Variants in CREB5 observed in about 807,000 individuals in gnomAD.
CREB5 encodes the protein cyclic AMP-responsive element-binding protein 5.
Under a neutral mutation model 57.1 loss-of-function variants are expected in CREB5, and 19 were observed. The observed-to-expected ratio is 0.33, with a 90% CI of 0.23 to 0.49. The LOEUF is 0.49. Among genes scored for constraint, CREB5 ranks in the 20% least tolerant of loss-of-function variants. The probability of loss-of-function intolerance (pLI) is 0.99; values close to 1 mark genes in which losing one functional copy is unlikely to be tolerated. For missense variants in CREB5, 579 were observed against 671.6 expected, an observed-to-expected ratio of 0.86 and a Z score of 1.52; for synonymous variants, 238 against 238.3, an observed-to-expected ratio of 1.00 and a Z score of 0.01.
intron 1 of CREB5, among the ~76,000 whole-genome samples, chr7:28,456,926 T>C (rs1790117314): frequency 6.6e-6 from 1 of 152,216 alleles, no homozygotes; most frequent in Admixed American, 6.5e-5. Context: ...AGATGGGTAA[T>C]TTATAAAGAA....
At chr7:28,568,236 C>A (rs1006514958) in intron 4 of CREB5, among the ~76,000 whole-genome samples, 2 of 152,158 alleles carry the variant, frequency 1.3e-5, no homozygotes, top group Non-Finnish European at 2.9e-5. Flanking sequence ...TTATATTTTT[C>A]TTTGCGAATT....
intron 7 of CREB5, among the ~76,000 whole-genome samples, chr7:28,758,968 A>G (rs901118695): frequency 6.6e-6 from 1 of 152,184 alleles, no homozygotes; most frequent in Admixed American, 6.5e-5. Context: ...CAGGAGGCCA[A>G]TGGAAGAGCA....
At chr7:28,510,158 C>T (rs1792645597) in intron 4 of CREB5, among the ~76,000 whole-genome samples, 2 of 152,198 alleles carry the variant, frequency 1.3e-5, no homozygotes, top group South Asian at 4.1e-4. Flanking sequence ...TTTTACCTAC[C>T]CCTTTGACCA....
At chr7:28,375,627 G>A (rs1404871237) in intron 1 of CREB5, among the ~76,000 whole-genome samples, 1 of 151,834 alleles carries the variant, frequency 6.6e-6, no homozygotes, top group Admixed American at 6.6e-5. Flanking sequence ...TTTCTTCAGG[G>A]CATCATGAAA....
intron 1 of CREB5, among the ~76,000 whole-genome samples, chr7:28,432,673 A>C (rs930140056): frequency 3.3e-5 from 5 of 152,232 alleles, no homozygotes; most frequent in African/African-American, 4.8e-5. Context: ...GAAAGGAATA[A>C]AGGAATTTTA....
intron 1 of CREB5, among the ~76,000 whole-genome samples, chr7:28,348,615 T>C (rs1370258557): frequency 1.3e-5 from 2 of 152,198 alleles, no homozygotes; most frequent in African/African-American, 4.8e-5. Flanking sequence ...ATGCTCATCT[T>C]ATGCCCAATC....
At chr7:28,346,528 A>T (rs1287881200) in intron 1 of CREB5, among the ~76,000 whole-genome samples, 1 of 152,230 alleles carries the variant, frequency 6.6e-6, no homozygotes, top group Non-Finnish European at 1.5e-5. Context: ...GAGGAACACA[A>T]ACATTCAGGC....
chr7:28,419,078 T>C (rs1014569640), intron 1 of CREB5, among the ~76,000 whole-genome samples: 1 of 152,240 alleles, frequency 6.6e-6, no homozygotes, highest in Non-Finnish European at 1.5e-5. Flanking sequence ...GAATCTGTTT[T>C]AAAAGTTGCA....
chr7:28,622,775 C>A (rs529552967), intron 5 of CREB5, among the ~76,000 whole-genome samples: 10 of 151,728 alleles, frequency 6.6e-5, no homozygotes, highest in African/African-American at 2.4e-4. Context: ...AATCCTAGAA[C>A]TTTGGGAGGC....
chr7:28,744,049 G>A (rs1263416111), intron 7 of CREB5, among the ~76,000 whole-genome samples: 1 of 101,940 alleles, frequency 9.8e-6, no homozygotes, highest in Non-Finnish European at 1.8e-5. Context: ...CCCTTCCTGT[G>A]TCCATGTGAT....
intron 7 of CREB5, among the ~76,000 whole-genome samples, chr7:28,740,457 C>T (rs534310777): frequency 3.9e-5 from 6 of 152,130 alleles, no homozygotes; most frequent in African/African-American, 1.2e-4. Context: ...TCTAGGGGTA[C>T]GATGTTCTCT....
chr7:28,680,403 T>G (rs1382566212), intron 5 of CREB5, among the ~76,000 whole-genome samples: 1 of 152,076 alleles, frequency 6.6e-6, no homozygotes, highest in Non-Finnish European at 1.5e-5. Flanking sequence ...CATGAATCAG[T>G]GTAGTTAGTC....
rs147045946 is a variant in CREB5 at position 28,537,051 on chromosome 7, A to G, written c.291+29314A>G. On this transcript the variant is annotated intron_variant, in intron 4 of 10. Coordinates refer to ENST00000357727, the MANE Select transcript of CREB5 (RefSeq NM_182898.4). The stretch of plus-strand genomic sequence containing the variant: ...AGCTTAATGCTTACAGTCCTATTTA[A>G]TTCTCACAGTCATCTTCAAGATGGG... Among the ~76,000 whole-genome samples, 39 of 152,366 alleles carry G rather than the reference A, an allele frequency of 2.6e-4. No individual in the cohort carries two copies. The East Asian group carries it at 6.6e-3, about 26-fold the overall frequency.
chr7:28,428,043 A>G (rs1788575388), intron 1 of CREB5, among the ~76,000 whole-genome samples: 1 of 146,034 alleles, frequency 6.8e-6, no homozygotes, highest in South Asian at 2.1e-4. Context: ...TTCAGTTGGA[A>G]TAGTCCAGGA....
rs186530192 is a variant in CREB5 at position 28,764,752 on chromosome 7, T to G, written c.703-39447T>G. On this transcript the variant is annotated intron_variant, in intron 7 of 10. Transcript: ENST00000357727. Reference sequence around the variant, plus strand: ...GGTCAGTTTTATATGTTTTCATAGGTAATTGAGGATTTAATTCTTTTCACT... The same window carrying G: ...GGTCAGTTTTATATGTTTTCATAGGGAATTGAGGATTTAATTCTTTTCACT... Among the ~76,000 whole-genome samples, 207 of 152,350 alleles carry G rather than the reference T, an allele frequency of 1.4e-3. 3 individuals are homozygous for G. Among genetic ancestry groups the G allele is most frequent in the Non-Finnish European group, 2.8e-4 (19 of 68,034 alleles).
intron 5 of CREB5, among the ~76,000 whole-genome samples, chr7:28,621,701 T>C (rs1164040336): frequency 1.3e-5 from 2 of 152,208 alleles, no homozygotes; most frequent in Non-Finnish European, 2.9e-5. Flanking sequence ...AATGTGTCTG[T>C]GGTGCGCTGT....
At chr7:28,460,040 C>T (rs1033228445) in intron 1 of CREB5, among the ~76,000 whole-genome samples, 14 of 152,282 alleles carry the variant, frequency 9.2e-5, no homozygotes, top group African/African-American at 3.4e-4. Context: ...AACTTCACTA[C>T]CTGCTGATTA....
At chr7:28,737,586 TA>T (rs1583644058) in intron 7 of CREB5, among the ~76,000 whole-genome samples, 9 of 121,986 alleles carry the variant, frequency 7.4e-5, no homozygotes, top group Non-Finnish European at 6.9e-5. Context: ...TATATATATA[TA>T]TTTTTAACTC....
intron 9 of CREB5, 63 bp downstream of exon 9, chr7:28,809,477 C>G: frequency 6.9e-7 from 1 of 1,449,782 alleles, no homozygotes; most frequent in South Asian, 1.3e-5. Flanking sequence ...CATTTCCGGC[C>G]CTGACAGGCA....
Sources: gnomAD v4.1 joint callset for allele counts (sites outside exome capture counted in the v4.1 genomes callset) on GRCh38, gnomAD v4.1.1 for gene constraint, MANE v1.5 for transcripts, NCBI Gene and HGNC (gene_info 2026-07-23, HGNC 2026-07-21) for gene names.